Variants in COX10 observed in about 807,000 individuals in gnomAD.
The protein encoded by COX10 is cytochrome c oxidase assembly factor heme A:farnesyltransferase COX10.
COX10 carries 27 observed loss-of-function variants against 37.3 expected under a neutral mutation model. That is an observed-to-expected ratio of 0.72 (90% CI 0.53 to 1.00). The LOEUF is 1.00. COX10 is among the 50% of genes least tolerant of loss of function. The pLI is 0.00. For missense variants in COX10, 475 were observed against 563.2 expected, an observed-to-expected ratio of 0.84 and a Z score of 1.59; for synonymous variants, 222 against 229.1, an observed-to-expected ratio of 0.97 and a Z score of 0.28.
intron 5 of COX10, among the ~76,000 whole-genome samples, chr17:14,179,607 AAAG>A (rs1314807058): frequency 1.3e-5 from 2 of 152,242 alleles, no homozygotes; most frequent in Non-Finnish European, 2.9e-5. Context: ...AAAGTCAGAC[AAAG>A]AAGAAGGACA....
chr17:14,096,520 A>T lies in COX10; in HGVS notation c.500-5598A>T, dbSNP rs149576197. 5.9e-3 allele frequency among the ~76,000 whole-genome samples: 898 copies of T among 151,814 alleles called. 8 individuals carry two copies. Among genetic ancestry groups the T allele is most frequent in the African/African-American group, 0.02 (824 of 41,376 alleles). ...CTCTCAAGTAGCTATGACTAAAGGC[A>T]CATGCCACTGAGCTGGGCTAATTTA... On this transcript the variant is annotated intron_variant, in intron 3 of 6. Transcript: ENST00000261643.
At position 14,207,219 on chromosome 17, in the gene COX10, C is replaced by G. The variant is rs760139431; in HGVS notation, c.*6C>G. 6.3e-7 allele frequency: 1 copy of G among 1,581,200 alleles called. No homozygotes were observed. Among genetic ancestry groups the G allele is most frequent in the Non-Finnish European group, 8.6e-7 (1 of 1,167,016 alleles). On this transcript the variant is annotated 3_prime_UTR_variant, in exon 7 of 7. Coordinates refer to ENST00000261643, the MANE Select transcript of COX10 (RefSeq NM_001303.4). ...CAGGGCCCCCTCCCAGCTGAGAGCA[C>G]TGGGACGCCCACCGCCCCTTTCCCT...
At chr17:14,091,935 G>A (rs993385486) in intron 3 of COX10, among the ~76,000 whole-genome samples, 2 of 152,032 alleles carry the variant, frequency 1.3e-5, no homozygotes, top group Admixed American at 6.6e-5. Context: ...ACATGTTTCT[G>A]CTTCTTAAAA....
At chr17:14,071,522 T>G (rs766823326) in intron 1 of COX10, among the ~76,000 whole-genome samples, 23 of 152,124 alleles carry the variant, frequency 1.5e-4, no homozygotes, top group African/African-American at 5.3e-4. Flanking sequence ...GGGACAGTGT[T>G]AGTGATCGAG....
intron 6 of COX10, among the ~76,000 whole-genome samples, chr17:14,202,928 A>G (rs1305347918): frequency 6.6e-6 from 1 of 152,094 alleles, no homozygotes; most frequent in Non-Finnish European, 1.5e-5. Flanking sequence ...TAGTTGAGTC[A>G]TGGCTTAAAT....
At position 14,144,953 on chromosome 17, in the gene COX10, C is replaced by A. The variant is rs554341870; in HGVS notation, c.625-14924C>A. Among the ~76,000 whole-genome samples, 9 of 152,052 alleles carry A rather than the reference C, an allele frequency of 5.9e-5. No homozygotes were observed. The East Asian group carries it at 1.7e-3, about 29-fold the overall frequency. ...AAATGGGAATAATACAGTTAGAAGA[C>A]AACAGGCTAAACGTGCTATACAGAC... On this transcript the variant is annotated intron_variant, in intron 4 of 6. Transcript: ENST00000261643.
intron 5 of COX10, among the ~76,000 whole-genome samples, chr17:14,180,433 A>G (rs996282839): frequency 1.6e-4 from 25 of 152,172 alleles, no homozygotes; most frequent in African/African-American, 6.0e-4. Context: ...TTTTGTACAT[A>G]TTGTCATGCT....
At chr17:14,163,849 G>A (rs1905221648) in intron 5 of COX10, among the ~76,000 whole-genome samples, 1 of 151,482 alleles carries the variant, frequency 6.6e-6, no homozygotes. Context: ...TCTCTTTTCA[G>A]TTTTTTTCAC....
chr17:14,082,301 G>A (rs1037759730), intron 3 of COX10, among the ~76,000 whole-genome samples: 13 of 152,278 alleles, frequency 8.5e-5, no homozygotes, highest in African/African-American at 2.9e-4. Flanking sequence ...GATCTGGGCC[G>A]GATGTCAAAT....
intron 5 of COX10, among the ~76,000 whole-genome samples, chr17:14,188,383 T>A (rs913312052): frequency 1.3e-5 from 2 of 151,756 alleles, no homozygotes; most frequent in Non-Finnish European, 2.9e-5. Flanking sequence ...TCATATTGTG[T>A]GCCATGTTGG....
At chr17:14,102,271 G>C (rs1346896539) in intron 4 of COX10, 29 bp downstream of exon 4, 1 of 1,612,932 alleles carries the variant, frequency 6.2e-7, no homozygotes, top group Non-Finnish European at 8.5e-7. Context: ...TCTAAATTAT[G>C]TTATTGTCAC....
chr17:14,083,216 G>T (rs1915338042), intron 3 of COX10, among the ~76,000 whole-genome samples: 1 of 152,166 alleles, frequency 6.6e-6, no homozygotes, highest in South Asian at 2.1e-4. Context: ...TGAACTAATT[G>T]AATTAAAGTC....
At chr17:14,202,452 G>C (rs1906571938) in intron 6 of COX10, among the ~76,000 whole-genome samples, 1 of 151,976 alleles carries the variant, frequency 6.6e-6, no homozygotes, top group African/African-American at 2.4e-5. Flanking sequence ...AACAGAAGGT[G>C]CTAATATCTT....
chr17:14,108,326 CA>C (rs924337418), intron 4 of COX10, among the ~76,000 whole-genome samples: 1 of 151,338 alleles, frequency 6.6e-6, no homozygotes, highest in African/African-American at 2.4e-5. Context: ...CATCAGGTTT[CA>C]AAAAAAAGAT....
chr17:14,149,466 T>C (rs1904826544), intron 4 of COX10, among the ~76,000 whole-genome samples: 1 of 152,294 alleles, frequency 6.6e-6, no homozygotes, highest in East Asian at 1.9e-4. Flanking sequence ...AAATAGTATA[T>C]GTGTTTTAGC....
chr17:14,181,977 G>A (rs1905874518), intron 5 of COX10: 1 of 982,808 alleles, frequency 1.0e-6, no homozygotes, highest in Admixed American at 6.3e-5. Context: ...GGTCAGCAAT[G>A]AGGGAGATTC....
At chr17:14,081,727 A>T (rs1011799783) in intron 3 of COX10, among the ~76,000 whole-genome samples, 3 of 152,220 alleles carry the variant, frequency 2.0e-5, no homozygotes, top group African/African-American at 7.2e-5. Context: ...TTTGCAAATG[A>T]CATACAAGTG....
At chr17:14,193,750 G>C (rs1418487898) in intron 6 of COX10, among the ~76,000 whole-genome samples, 2 of 149,008 alleles carry the variant, frequency 1.3e-5, no homozygotes, top group African/African-American at 4.9e-5. Flanking sequence ...CTCTTCCTTA[G>C]TTCCACCTGG....
At chr17:14,099,940 A>T (rs554536427) in intron 3 of COX10, among the ~76,000 whole-genome samples, 1 of 152,126 alleles carries the variant, frequency 6.6e-6, no homozygotes, top group South Asian at 2.1e-4. Flanking sequence ...ATTCCTTTCC[A>T]TGTCACCCAA....
Sources: allele counts gnomAD v4.1 joint callset (sites outside exome capture counted in the v4.1 genomes callset), GRCh38; gene constraint gnomAD v4.1.1; transcripts MANE v1.5; gene names NCBI Gene and HGNC (gene_info 2026-07-23, HGNC 2026-07-21).